BBS9: variants seen among roughly 807,000 people sequenced by gnomAD.
BBS9 encodes Bardet-Biedl syndrome 9.
Under a neutral mutation model 117.7 loss-of-function variants are expected in BBS9, and 89 were observed. That is an observed-to-expected ratio of 0.76 (90% confidence interval 0.64 to 0.90). The LOEUF is 0.90. BBS9 is among the 40% of genes least tolerant of loss of function. The pLI, the probability that BBS9 is intolerant of heterozygous loss-of-function variation, is 0.00. For synonymous variants in BBS9, 379 were observed against 370.9 expected (o/e 1.02, Z -0.25); for missense variants, 982 against 1,042.2 (o/e 0.94, Z 0.80).
chr7:33,340,909 T>C lies in BBS9; in HGVS notation c.1211T>C (p.Met404Thr), dbSNP rs748557360. Residue 404 changes from methionine to threonine, a missense_variant, in exon 11 of 23, where the codon ATG (methionine) becomes ACG (threonine). Transcript: ENST00000242067. ...TTTTAAATCACAGGTGTTTGGCCCA[T>C]GACTGAGAGAGAAGATGACTTGAAC... ...DVNKSQGVWP[M>T]TEREDDLNVS... The C allele has an allele frequency of 2.5e-6, 4 of 1,613,596 alleles. No homozygotes were observed. The highest frequency in any genetic ancestry group is 3.4e-6 in the Non-Finnish European group (4 of 1,179,626).
chr7:33,451,252 A>G (rs1181037881), intron 19 of BBS9, among the ~76,000 whole-genome samples: 1 of 152,152 alleles, frequency 6.6e-6, no homozygotes, highest in Non-Finnish European at 1.5e-5. Context: ...TTTTGGTGTC[A>G]TAGCCAATAA....
chr7:33,209,796 T>G (rs1787667045), intron 5 of BBS9, among the ~76,000 whole-genome samples: 1 of 152,138 alleles, frequency 6.6e-6, no homozygotes, highest in Non-Finnish European at 1.5e-5. Flanking sequence ...TTTTATTACT[T>G]AGTCTGGCTA....
chr7:33,299,475 G>A (rs1805933569), intron 9 of BBS9, among the ~76,000 whole-genome samples: 1 of 151,160 alleles, frequency 6.6e-6, no homozygotes, highest in South Asian at 2.1e-4. Context: ...TGTTTTTCCA[G>A]TAATGTTGAA....
rs753283864 is a variant in BBS9 at position 33,532,688 on chromosome 7, G to T, written c.2299-1266G>T. 2.0e-5 allele frequency among the ~76,000 whole-genome samples: 3 copies of T among 152,040 alleles called. No homozygotes were observed. In the South Asian group the frequency reaches 6.2e-4, roughly 32 times the overall value. On this transcript the variant is annotated intron_variant, in intron 20 of 22. Transcript: ENST00000242067. ...GAACTACAAAATGAGATGTCGGTGGGGACACAGCCAAACCATATCATAGTT... is the reference window on the plus strand; with the variant it reads ...GAACTACAAAATGAGATGTCGGTGGTGACACAGCCAAACCATATCATAGTT...
At chr7:33,150,144 A>G (rs138646728) in intron 2 of BBS9, among the ~76,000 whole-genome samples, 92 of 152,338 alleles carry the variant, frequency 6.0e-4, no homozygotes, top group Non-Finnish European at 1.1e-3. Flanking sequence ...AACTTAAAGA[A>G]TCAGTCTCTG....
At chr7:33,282,231 C>A (rs1485621914) in intron 9 of BBS9, among the ~76,000 whole-genome samples, 1 of 152,010 alleles carries the variant, frequency 6.6e-6, no homozygotes, top group African/African-American at 2.4e-5. Context: ...AAATAAAATA[C>A]CTTTTTATTA....
chr7:33,241,316 G>A (rs1433657600), intron 5 of BBS9, among the ~76,000 whole-genome samples: 1 of 152,108 alleles, frequency 6.6e-6, no homozygotes, highest in Non-Finnish European at 1.5e-5. Context: ...TTGATAGAAA[G>A]AAGTTAGGTT....
chr7:33,412,424 G>A (rs770969111), intron 19 of BBS9, among the ~76,000 whole-genome samples: 3 of 152,182 alleles, frequency 2.0e-5, no homozygotes, highest in Admixed American at 2.0e-4. Flanking sequence ...TTTCTTCAGT[G>A]AGTTTCTGAA....
At chr7:33,130,780 A>T (rs1435312943) in intron 1 of BBS9, among the ~76,000 whole-genome samples, 6 of 152,152 alleles carry the variant, frequency 3.9e-5, no homozygotes, top group Admixed American at 6.5e-5. Flanking sequence ...GAAGAATTTT[A>T]AAAAACTTTA....
At chr7:33,396,028 A>C (rs80007354) in intron 19 of BBS9, among the ~76,000 whole-genome samples, 4,344 of 152,248 alleles carry the variant, frequency 0.029, 201 homozygotes, top group African/African-American at 0.093. Flanking sequence ...AGGAGGAGGA[A>C]GCAGAAATTT....
chr7:33,473,259 T>C (rs1841318980), intron 19 of BBS9, among the ~76,000 whole-genome samples: 1 of 152,170 alleles, frequency 6.6e-6, no homozygotes, highest in Admixed American at 6.5e-5. Context: ...TTTTAAATAA[T>C]ATCATTCAAA....
intron 5 of BBS9, among the ~76,000 whole-genome samples, chr7:33,189,548 A>T (rs1263125501): frequency 6.6e-6 from 1 of 152,090 alleles, no homozygotes; most frequent in African/African-American, 2.4e-5. Flanking sequence ...AGAAATTATC[A>T]CTATTACACC....
intron 1 of BBS9, among the ~76,000 whole-genome samples, chr7:33,138,011 C>T (rs1300393998): frequency 6.6e-6 from 1 of 152,130 alleles, no homozygotes; most frequent in African/African-American, 2.4e-5. Flanking sequence ...AAAAATTAGC[C>T]CTTCCTCCAC....
At chr7:33,323,851 T>G (rs933132594) in intron 9 of BBS9, among the ~76,000 whole-genome samples, 9 of 146,778 alleles carry the variant, frequency 6.1e-5, no homozygotes, top group Non-Finnish European at 1.2e-4. Flanking sequence ...TTTTTTTTTT[T>G]TTTTGAGACA....
At chr7:33,551,684 A>G (rs954446930) in intron 21 of BBS9, among the ~76,000 whole-genome samples, 1 of 152,162 alleles carries the variant, frequency 6.6e-6, no homozygotes, top group African/African-American at 2.4e-5. Flanking sequence ...GGAATTTATT[A>G]TGTTCTGGCA....
chr7:33,335,222 C>T (rs1304531223), intron 9 of BBS9, among the ~76,000 whole-genome samples: 1 of 152,114 alleles, frequency 6.6e-6, no homozygotes, highest in Non-Finnish European at 1.5e-5. Flanking sequence ...CTTCTTTTCT[C>T]TCACAATTTT....
chr7:33,486,679 C>T (rs1318160618), intron 19 of BBS9, among the ~76,000 whole-genome samples: 1 of 152,110 alleles, frequency 6.6e-6, no homozygotes, highest in Non-Finnish European at 1.5e-5. Flanking sequence ...AACTGGAAGT[C>T]AGCTTCTTCT....
chr7:33,635,003 G>A (rs748888781), intron 21 of BBS9, among the ~76,000 whole-genome samples: 5 of 152,136 alleles, frequency 3.3e-5, no homozygotes, highest in South Asian at 2.1e-4. Context: ...TCCCACACTC[G>A]CAGTGGCTCT....
intron 15 of BBS9, among the ~76,000 whole-genome samples, chr7:33,355,896 T>TA (rs1819534463): frequency 6.6e-6 from 1 of 151,916 alleles, no homozygotes; most frequent in Admixed American, 6.6e-5. Flanking sequence ...TAATTTTTTT[T>TA]AACTGTGAAT....
Sources: gnomAD v4.1 joint callset for allele counts (sites outside exome capture counted in the v4.1 genomes callset) on GRCh38, gnomAD v4.1.1 for gene constraint, MANE v1.5 for transcripts, NCBI Gene and HGNC (gene_info 2026-07-23, HGNC 2026-07-21) for gene names.